The following PSD3 variants were observed in gnomAD, a reference collection of about 807,000 sequenced individuals.
PSD3 encodes the protein PH and SEC7 domain-containing protein 3.
A neutral mutation model predicts 105.5 loss-of-function variants in PSD3; 49 were observed. The observed-to-expected ratio is 0.46, with a 90% CI of 0.37 to 0.59. The LOEUF is 0.59. Among genes scored for constraint, PSD3 ranks in the 20% least tolerant of loss-of-function variants. The pLI, the probability that PSD3 is intolerant of heterozygous loss-of-function variation, is 0.00. For missense variants in PSD3, 1,561 were observed against 1,263.8 expected (o/e 1.24, Z -3.57); for synonymous variants, 557 against 457.8 (o/e 1.22, Z -2.77).
At chr8:18,870,888 C>T (rs570362367) in intron 3 of PSD3, among the ~76,000 whole-genome samples, 2 of 151,968 alleles carry the variant, frequency 1.3e-5, no homozygotes, top group African/African-American at 2.4e-5. Context: ...TCACTTGATG[C>T]GAGGAGTTTG....
chr8:18,671,776 T>C (rs940057129), intron 9 of PSD3, among the ~76,000 whole-genome samples: 5 of 151,966 alleles, frequency 3.3e-5, no homozygotes, highest in East Asian at 1.9e-4. Flanking sequence ...GGACTATAGG[T>C]GCCCGCCATG....
In PSD3 at chr8:18,572,515, T is replaced by C. The variant is rs1467211118; in HGVS notation, c.2784+13A>G. On this transcript the variant is annotated intron_variant, in intron 14 of 15. Coordinates refer to ENST00000327040, the MANE Select transcript of PSD3 (RefSeq NM_015310.4). ...ACTTTTTCCCAAGGTCAAAGCACTA[T>C]CAAGATGATTACCTGAGACAGTTTT... The C allele has an allele frequency of 1.2e-6, 2 of 1,612,982 alleles. No individual in the cohort carries two copies. Among genetic ancestry groups the C allele is most frequent in the East Asian group, 2.2e-5 (1 of 44,880 alleles).
rs1385360316 is a variant in PSD3, at chr8:18,749,250, T to C, written c.2172+16199A>G. ...ACCACACGTTATCATCCTTCCTGTC[T>C]CCACACTGGCATCTAAGCTGTTACC... On this transcript the variant is annotated intron_variant, in intron 9 of 15. Coordinates refer to ENST00000327040, the MANE Select transcript of PSD3 (RefSeq NM_015310.4). Among the ~76,000 whole-genome samples, 7 of 152,154 alleles carry C rather than the reference T, an allele frequency of 4.6e-5. No homozygotes were observed. In the East Asian group the frequency reaches 1.4e-3, roughly 29 times the overall value.
intron 4 of PSD3, among the ~76,000 whole-genome samples, chr8:18,810,595 G>T (rs1326806181): frequency 3.9e-5 from 6 of 152,062 alleles, no homozygotes; most frequent in African/African-American, 1.5e-4. Flanking sequence ...GGACCAAAAA[G>T]AAGTTAGGTT....
intron 1 of PSD3, among the ~76,000 whole-genome samples, chr8:19,009,887 T>A (rs2129475243): frequency 6.6e-6 from 1 of 152,264 alleles, no homozygotes; most frequent in East Asian, 1.9e-4. Context: ...TGAGATCTTG[T>A]GTCAACAACA....
intron 1 of PSD3, among the ~76,000 whole-genome samples, chr8:18,939,278 CAT>C (rs1822366456): frequency 6.6e-6 from 1 of 152,158 alleles, no homozygotes; most frequent in Non-Finnish European, 1.5e-5. Flanking sequence ...GGGTGATTTA[CAT>C]ATTTATTTGC....
intron 1 of PSD3, among the ~76,000 whole-genome samples, chr8:19,030,224 T>C (rs1439115565): frequency 1.3e-5 from 2 of 152,246 alleles, no homozygotes; most frequent in African/African-American, 4.8e-5. Flanking sequence ...TCTTTTGAGA[T>C]ACTCATATGA....
chr8:19,062,749 T>G (rs982717938), intron 1 of PSD3, among the ~76,000 whole-genome samples: 4 of 152,206 alleles, frequency 2.6e-5, no homozygotes, highest in Non-Finnish European at 4.4e-5. Flanking sequence ...AACGCTACAT[T>G]ACATCAAAAT....
chr8:18,809,806 C>T (rs1301455010), intron 4 of PSD3, among the ~76,000 whole-genome samples: 1 of 152,088 alleles, frequency 6.6e-6, no homozygotes, highest in Admixed American at 6.5e-5. Flanking sequence ...TTTATCAAGA[C>T]TTTGTTGCCT....
intron 1 of PSD3, among the ~76,000 whole-genome samples, chr8:18,977,246 C>T (rs1369174285): frequency 8.1e-6 from 1 of 122,748 alleles, no homozygotes; most frequent in Middle Eastern, 5.9e-3. Flanking sequence ...GGCAACAGAA[C>T]AACACCCTAT....
chr8:18,992,214 G>A (rs1173041588), intron 1 of PSD3, among the ~76,000 whole-genome samples: 1 of 152,072 alleles, frequency 6.6e-6, no homozygotes, highest in Non-Finnish European at 1.5e-5. Context: ...CCAATTGTGT[G>A]CTGAGATCAA....
chr8:18,587,255 C>G (rs1430684760), intron 12 of PSD3, among the ~76,000 whole-genome samples: 4 of 152,146 alleles, frequency 2.6e-5, no homozygotes, highest in African/African-American at 9.7e-5. Flanking sequence ...ACTATGCCAC[C>G]TAAGTCCTTT....
chr8:18,744,122 TC>T (rs35054783), intron 9 of PSD3, among the ~76,000 whole-genome samples: 1 of 152,184 alleles, frequency 6.6e-6, no homozygotes, highest in Non-Finnish European at 1.5e-5. Context: ...GTATTGATGT[TC>T]CCCACCATCA....
At chr8:18,867,594 T>C in intron 4 of PSD3, 80 bp downstream of exon 4, 1 of 1,486,374 alleles carries the variant, frequency 6.7e-7, no homozygotes, top group Non-Finnish European at 9.0e-7. Flanking sequence ...GATTTAAATA[T>C]ATATTCCACA....
chr8:18,587,060 T>C lies in PSD3; in HGVS notation c.2482-11775A>G, dbSNP rs186271287. Among the ~76,000 whole-genome samples the C allele has an allele frequency of 8.6e-3, 1,304 of 152,224 alleles. 4 individuals carry two copies. Among genetic ancestry groups the C allele is most frequent in the Non-Finnish European group, 0.012 (847 of 68,008 alleles). The stretch of plus-strand genomic sequence containing the variant: ...TTTGGGCCAGGGCTTTTTTCTCCTC[T>C]CCTCACCCAAATAGTGGGGGATTGG... On this transcript the variant is annotated intron_variant, in intron 12 of 15. Coordinates refer to ENST00000327040, the MANE Select transcript of PSD3 (RefSeq NM_015310.4).
chr8:18,861,206 T>C (rs1816410832), intron 4 of PSD3, among the ~76,000 whole-genome samples: 1 of 152,100 alleles, frequency 6.6e-6, no homozygotes, highest in Non-Finnish European at 1.5e-5. Context: ...CATCCTGGGC[T>C]CCCTGACAAT....
intron 12 of PSD3, among the ~76,000 whole-genome samples, chr8:18,583,265 C>T (rs1802939810): frequency 6.6e-6 from 1 of 152,066 alleles, no homozygotes; most frequent in African/African-American, 2.4e-5. Context: ...GAAGTGAGAT[C>T]CCGTTTCTAC....
chr8:18,640,383 A>C (rs1012727182), intron 10 of PSD3, among the ~76,000 whole-genome samples: 29 of 152,108 alleles, frequency 1.9e-4, no homozygotes, highest in African/African-American at 6.8e-4. Context: ...CCCAAATTTC[A>C]TCTTGAATTG....
intron 8 of PSD3, among the ~76,000 whole-genome samples, chr8:18,781,829 C>A (rs970457230): frequency 6.6e-6 from 1 of 152,130 alleles, no homozygotes; most frequent in Admixed American, 6.5e-5. Flanking sequence ...TCCAGGAAAA[C>A]TGAAAATTCC....
Sources: gnomAD v4.1 joint callset for allele counts (sites outside exome capture counted in the v4.1 genomes callset) on GRCh38, gnomAD v4.1.1 for gene constraint, MANE v1.5 for transcripts, NCBI Gene and HGNC (gene_info 2026-07-23, HGNC 2026-07-21) for gene names.